Variants in TIAM1 observed in about 807,000 individuals in gnomAD.
TIAM1 encodes the protein TIAM Rac1 associated GEF 1, also known as rho guanine nucleotide exchange factor TIAM1.
TIAM1 carries 65 observed loss-of-function variants against 163.5 expected under a neutral mutation model. The observed-to-expected ratio is 0.40, with a 90% CI of 0.33 to 0.49. TIAM1 has a LOEUF of 0.49. Ranked by LOEUF, TIAM1 falls within the 20% of genes least tolerant of loss-of-function variation. The pLI, the probability that TIAM1 is intolerant of heterozygous loss-of-function variation, is 0.77. For synonymous variants in TIAM1, 833 were observed against 810.1 expected (o/e 1.03, Z -0.48); for missense variants, 1,789 against 2,044.7 (o/e 0.87, Z 2.41).
intron 27 of TIAM1, among the ~76,000 whole-genome samples, chr21:31,121,789 C>T (rs2082010432): frequency 6.6e-6 from 1 of 152,188 alleles, no homozygotes; most frequent in African/African-American, 2.4e-5. Flanking sequence ...AACAAGCAAA[C>T]AAAAGACACC....
intron 14 of TIAM1, among the ~76,000 whole-genome samples, chr21:31,186,362 C>G (rs970125378): frequency 5.9e-5 from 9 of 152,128 alleles, no homozygotes; most frequent in African/African-American, 2.2e-4. Flanking sequence ...CAGTGTGGAC[C>G]AAAGTACAGA....
intron 5 of TIAM1, among the ~76,000 whole-genome samples, chr21:31,246,609 G>C (rs1168515956): frequency 6.6e-6 from 1 of 152,166 alleles, no homozygotes; most frequent in Non-Finnish European, 1.5e-5. Flanking sequence ...CACAACCCTT[G>C]AAAGTTCAAT....
At chr21:31,122,103 C>G (rs1241846411) in intron 27 of TIAM1, among the ~76,000 whole-genome samples, 1 of 152,164 alleles carries the variant, frequency 6.6e-6, no homozygotes, top group African/African-American at 2.4e-5. Flanking sequence ...CAACGAGGGG[C>G]TGAATTGGCT....
chr21:31,387,709 G>A (rs530632919), intron 2 of TIAM1, among the ~76,000 whole-genome samples: 34 of 152,226 alleles, frequency 2.2e-4, no homozygotes, highest in Non-Finnish European at 4.0e-4. Context: ...AGTGGTGGGC[G>A]GCTCTGTAAG....
At chr21:31,123,765 T>C (rs1700071743) in intron 27 of TIAM1, among the ~76,000 whole-genome samples, 1 of 152,180 alleles carries the variant, frequency 6.6e-6, no homozygotes, top group Admixed American at 6.5e-5. Flanking sequence ...AATGTTAGTA[T>C]CTTGATGTCA....
intron 13 of TIAM1, among the ~76,000 whole-genome samples, chr21:31,193,574 C>T (rs887450419): frequency 6.6e-6 from 1 of 152,202 alleles, no homozygotes; most frequent in Non-Finnish European, 1.5e-5. Flanking sequence ...CTAGACTTCA[C>T]TCCATGCGCC....
At chr21:31,184,517 G>T (rs2146449410) in intron 14 of TIAM1, among the ~76,000 whole-genome samples, 1 of 152,270 alleles carries the variant, frequency 6.6e-6, no homozygotes, top group Non-Finnish European at 1.5e-5. Context: ...TCTTGCATCT[G>T]TTGAGAACAG....
At chr21:31,246,153 C>T (rs945069101) in intron 5 of TIAM1, among the ~76,000 whole-genome samples, 2 of 152,002 alleles carry the variant, frequency 1.3e-5, no homozygotes, top group Non-Finnish European at 2.9e-5. Context: ...ATATATAATA[C>T]CAGCGTTAAG....
At chr21:31,150,171 C>T (rs2083312371) in intron 19 of TIAM1, among the ~76,000 whole-genome samples, 1 of 152,026 alleles carries the variant, frequency 6.6e-6, no homozygotes, top group Non-Finnish European at 1.5e-5. Flanking sequence ...TGAAATTATA[C>T]CCAAACAAAA....
rs117009992 is a variant in TIAM1, at chr21:31,519,868, A to G, written c.-422+39059T>C. 2.3e-3 allele frequency among the ~76,000 whole-genome samples: 356 copies of G among 152,362 alleles called. 2 individuals carry two copies. The highest frequency in any genetic ancestry group is 3.9e-3 in the Non-Finnish European group (264 of 68,036). On this transcript the variant is annotated intron_variant, in intron 1 of 28. Coordinates refer to the TIAM1 transcript ENST00000286827. ...AGTCGAATACATAGAGATAGAAAGT[A>G]GAATGGCGGTGCCAGGGCCTGGAGG...
chr21:31,411,471 CTTTTTTTTT>C (rs11362012), intron 2 of TIAM1, among the ~76,000 whole-genome samples: 2 of 102,732 alleles, frequency 1.9e-5, no homozygotes, highest in Non-Finnish European at 4.0e-5. Flanking sequence ...TCCCAAGAAA[CTTTTTTTTT>C]TTTTTTTTTT....
intron 15 of TIAM1, among the ~76,000 whole-genome samples, chr21:31,181,966 G>A (rs1386310844): frequency 1.4e-5 from 2 of 145,724 alleles, no homozygotes; most frequent in East Asian, 4.1e-4. Flanking sequence ...TTTTTTTTTG[G>A]AGAGATAGAG....
At chr21:31,274,592 CT>C (rs950903082) in intron 3 of TIAM1, among the ~76,000 whole-genome samples, 3 of 152,162 alleles carry the variant, frequency 2.0e-5, no homozygotes, top group Non-Finnish European at 4.4e-5. Flanking sequence ...GCCTCACCCC[CT>C]AGCTGAAGAA....
chr21:31,154,832 G>C (rs1397222599), intron 16 of TIAM1, among the ~76,000 whole-genome samples: 1 of 152,154 alleles, frequency 6.6e-6, no homozygotes, highest in African/African-American at 2.4e-5. Flanking sequence ...TAAATCAGGA[G>C]ACATAAAAGT....
chr21:31,275,062 C>A (rs758276403), intron 3 of TIAM1, among the ~76,000 whole-genome samples: 6 of 150,598 alleles, frequency 4.0e-5, no homozygotes, highest in Non-Finnish European at 8.8e-5. Context: ...GCGGAGACTG[C>A]AGTGAGCCGA....
At chr21:31,397,300 G>C (rs1246047768) in intron 2 of TIAM1, among the ~76,000 whole-genome samples, 2 of 152,186 alleles carry the variant, frequency 1.3e-5, no homozygotes, top group Non-Finnish European at 2.9e-5. Context: ...CTGAGGCAGA[G>C]AAGTTGTTCA....
At chr21:31,226,952 GTTTTT>G (rs35401090) in intron 6 of TIAM1, among the ~76,000 whole-genome samples, 25 of 112,594 alleles carry the variant, frequency 2.2e-4, no homozygotes, top group African/African-American at 7.9e-4. Flanking sequence ...AAAATTCTGT[GTTTTT>G]TTTTTTTTTT....
chr21:31,253,932 A>G (rs149924817), intron 4 of TIAM1, among the ~76,000 whole-genome samples: 4 of 152,354 alleles, frequency 2.6e-5, no homozygotes, highest in African/African-American at 9.6e-5. Context: ...AAGACAAAAG[A>G]AAATTTGACA....
chr21:31,398,845 C>T (rs1053266317), intron 2 of TIAM1, among the ~76,000 whole-genome samples: 4 of 152,194 alleles, frequency 2.6e-5, no homozygotes, highest in Non-Finnish European at 4.4e-5. Context: ...GTCAGCATCT[C>T]TTATCACCCA....
Sources: allele counts gnomAD v4.1 joint callset (sites outside exome capture counted in the v4.1 genomes callset), GRCh38; gene constraint gnomAD v4.1.1; transcripts MANE v1.5; gene names NCBI Gene and HGNC (gene_info 2026-07-23, HGNC 2026-07-21).